The following TENM4 variants were observed in gnomAD, a reference collection of about 807,000 sequenced individuals.
TENM4 encodes the protein teneurin-4.
A neutral mutation model predicts 243.3 loss-of-function variants in TENM4; 82 were observed. That is an observed-to-expected ratio of 0.34 (90% CI 0.28 to 0.40). TENM4 has a LOEUF of 0.40. Among genes scored for constraint, TENM4 ranks in the 10% least tolerant of loss-of-function variants. The pLI is 1.00. For synonymous variants in TENM4, 1,412 were observed against 1,456.3 expected, an observed-to-expected ratio of 0.97 and a Z score of 0.69; for missense variants, 3,138 against 3,673.3, an observed-to-expected ratio of 0.85 and a Z score of 3.77.
intron 15 of TENM4, among the ~76,000 whole-genome samples, chr11:78,792,668 A>T (rs1857080824): frequency 1.3e-5 from 2 of 152,206 alleles, no homozygotes; most frequent in Non-Finnish European, 2.9e-5. Context: ...TTGTTGAAAG[A>T]ATAGATGAAT....
intron 4 of TENM4, among the ~76,000 whole-genome samples, chr11:79,072,530 A>G (rs1418157861): frequency 6.6e-6 from 1 of 152,154 alleles, no homozygotes; most frequent in East Asian, 1.9e-4. Flanking sequence ...GACCCACTAC[A>G]CACATTGATG....
chr11:79,030,942 C>T (rs1808700), intron 6 of TENM4, among the ~76,000 whole-genome samples: 13 of 151,714 alleles, frequency 8.6e-5, no homozygotes, highest in East Asian at 1.9e-4. Context: ...AAAAGAGGAG[C>T]GAGACAGAGA....
chr11:78,740,610 G>C (rs1855906631), intron 19 of TENM4, among the ~76,000 whole-genome samples: 1 of 152,180 alleles, frequency 6.6e-6, no homozygotes, highest in African/African-American at 2.4e-5. Context: ...TTCTTTAATG[G>C]AGGACAATTG....
Position 78,786,833 on chromosome 11 carries a change from T to A in TENM4, c.2365+65A>T, listed in dbSNP as rs1165006246. ...ATGAGGGCCCAGGCTGGCCCTGAAA[T>A]GCCCCAACAGACAAAGATGTCCTGC... On this transcript the variant is annotated intron_variant, in intron 16 of 33. Transcript: ENST00000278550. 7.1e-5 allele frequency: 110 copies of A among 1,551,872 alleles called. No homozygotes were observed. The East Asian group carries it at 2.6e-3, about 37-fold the overall frequency.
intron 24 of TENM4, 72 bp downstream of exon 24, chr11:78,722,596 T>A (rs548555236): frequency 1.3e-6 from 2 of 1,552,388 alleles, no homozygotes; most frequent in African/African-American, 2.7e-5. Context: ...GCTCAGCAGG[T>A]AATGTGGCGG....
intron 4 of TENM4, among the ~76,000 whole-genome samples, chr11:79,080,774 C>T (rs1000573373): frequency 6.6e-6 from 1 of 152,226 alleles, no homozygotes; most frequent in African/African-American, 2.4e-5. Flanking sequence ...AAAAATACTT[C>T]CTTCCTTCTC....
rs759593391 is a variant in TENM4 at position 78,658,174 on chromosome 11, C to T, written c.8194G>A (p.Gly2732Arg). The change falls in exon 34 of 34, where the codon GGG becomes AGG. Residue 2732 changes from glycine to arginine, a missense_variant. Gly to Arg is a moderately radical substitution (Grantham distance 125, BLOSUM62 -2). Transcript: ENST00000278550. The part of the protein sequence containing the change: ...EGEKQQVLST[G>R]RVQGYDGFFV... The stretch of plus-strand genomic sequence containing the variant: ...AAGCCGTCGTAGCCTTGCACCCGCC[C>T]TGTGCTCAGCACCTGCTGCTTCTCC... 20 of 1,614,060 alleles carry T rather than the reference C, an allele frequency of 1.2e-5. No individual in the cohort carries two copies. Among genetic ancestry groups the T allele is most frequent in the Non-Finnish European group, 1.7e-5 (20 of 1,179,906 alleles).
At chr11:79,191,946 T>A (rs1315869653) in intron 3 of TENM4, among the ~76,000 whole-genome samples, 1 of 146,152 alleles carries the variant, frequency 6.8e-6, no homozygotes, top group Non-Finnish European at 1.5e-5. Flanking sequence ...AGGAGGGAGG[T>A]GGGGGTCAGC....
intron 1 of TENM4, among the ~76,000 whole-genome samples, chr11:79,342,128 T>C (rs13377526): frequency 0.18 from 26,856 of 152,068 alleles, 2,452 homozygotes; most frequent in Non-Finnish European, 0.2. Flanking sequence ...CAGGCAGCTA[T>C]TGCACCCCAC....
At chr11:79,153,401 G>T (rs1862546580) in intron 3 of TENM4, among the ~76,000 whole-genome samples, 1 of 152,182 alleles carries the variant, frequency 6.6e-6, no homozygotes, top group Non-Finnish European at 1.5e-5. Context: ...GGGCAGAGCA[G>T]CAGAAATCCT....
rs1051681862 is a variant in TENM4, at chr11:79,064,963, G to A, written c.268C>T (p.Pro90Ser). The A allele has an allele frequency of 2.7e-6, 4 of 1,474,334 alleles. No individual in the cohort carries two copies. The African/African-American group carries it at 5.7e-5, about 21-fold the overall frequency. The allele number at this position is 1,474,334 out of a possible 1,614,324, so 91.3% of individuals were successfully genotyped here. A position where few individuals can be genotyped will look rare whatever the true frequency, so the allele number is the denominator to read the frequency against. Residue 90 changes from proline (P) to serine (S), a missense_variant, in exon 6 of 34, where the codon CCC (proline) becomes TCC (serine). Transcript: ENST00000278550. The stretch of plus-strand genomic sequence containing the variant: ...GTCCGGTACAGGGTCCCGTGAGGGG[G>A]CGTTACTTCTTCCAGCCCCAGCTCC... ...LRELGLEEVTPPHGTLYRTDI... is the reference protein window; with the variant it reads ...LRELGLEEVTSPHGTLYRTDI...
At chr11:79,248,244 G>A (rs993656846) in intron 2 of TENM4, among the ~76,000 whole-genome samples, 7 of 152,170 alleles carry the variant, frequency 4.6e-5, no homozygotes, top group African/African-American at 1.4e-4. Context: ...GCAAGGCATG[G>A]GATACATACA....
chr11:78,947,320 C>A (rs1002567884), intron 6 of TENM4, among the ~76,000 whole-genome samples: 2 of 152,162 alleles, frequency 1.3e-5, no homozygotes, highest in Non-Finnish European at 2.9e-5. Flanking sequence ...CTTCAAGGCT[C>A]AGTTTCAGAA....
chr11:79,342,562 C>A (rs758668132), intron 1 of TENM4, among the ~76,000 whole-genome samples: 1 of 152,154 alleles, frequency 6.6e-6, no homozygotes, highest in Non-Finnish European at 1.5e-5. Context: ...CCAAGGGGCT[C>A]CAAACCCATC....
chr11:78,895,359 C>T (rs140147931), intron 7 of TENM4, among the ~76,000 whole-genome samples: 24 of 151,216 alleles, frequency 1.6e-4, no homozygotes, highest in South Asian at 8.4e-4. Flanking sequence ...AAAGAAAAAA[C>T]GAAATAGTCT....
chr11:78,715,804 A>C (rs1375328234), intron 25 of TENM4, among the ~76,000 whole-genome samples: 1 of 152,204 alleles, frequency 6.6e-6, no homozygotes, highest in Non-Finnish European at 1.5e-5. Context: ...TCTAGTTTGC[A>C]GAGCTCTCTG....
Position 79,378,798 on chromosome 11 carries a change from G to A in TENM4, c.-321+61711C>T, listed in dbSNP as rs535592067. Among the ~76,000 whole-genome samples, 126 of 151,144 alleles carry A rather than the reference G, an allele frequency of 8.3e-4. 1 individual carries two copies. Among genetic ancestry groups the A allele is most frequent in the African/African-American group, 2.7e-3 (110 of 41,046 alleles). On this transcript the variant is annotated intron_variant, in intron 1 of 33. Coordinates refer to ENST00000278550, the MANE Select transcript of TENM4 (RefSeq NM_001098816.3). ...CTCAGGAGGCTGAGGTGGAAGGACC[G>A]TTTCAGCCCAGGAAGTTGAGGCTGT...
At chr11:78,975,617 C>CAT (rs751405946) in intron 6 of TENM4, among the ~76,000 whole-genome samples, 834 of 64,874 alleles carry the variant, frequency 0.013, 8 homozygotes, top group Middle Eastern at 0.042. Context: ...CACACACACA[C>CAT]ATATATATAT....
At chr11:78,720,487 G>A (rs1455743917) in intron 24 of TENM4, 97 bp from the exon 25 acceptor site, 2 of 1,221,902 alleles carry the variant, frequency 1.6e-6, no homozygotes, top group Non-Finnish European at 2.4e-6. Context: ...TGACAGCAAT[G>A]GTACTATACA....
Sources: gnomAD v4.1 joint callset for allele counts (sites outside exome capture counted in the v4.1 genomes callset) on GRCh38, gnomAD v4.1.1 for gene constraint, MANE v1.5 for transcripts, NCBI Gene and HGNC (gene_info 2026-07-23, HGNC 2026-07-21) for gene names.